Variants in DNAH9 observed in about 807,000 individuals in gnomAD.
The protein encoded by DNAH9 is DNAH9 variant protein.
Under a neutral mutation model 471.6 loss-of-function variants are expected in DNAH9, and 345 were observed. That is an observed-to-expected ratio of 0.73 (90% CI 0.67 to 0.80). The LOEUF is 0.80. DNAH9 is among the 30% of genes least tolerant of loss of function. The probability of loss-of-function intolerance (pLI) is 0.00; values close to 1 mark genes in which losing one functional copy is unlikely to be tolerated. For synonymous variants in DNAH9, 2,093 were observed against 2,123.6 expected (o/e 0.99, Z 0.40); for missense variants, 5,407 against 5,609.2 (o/e 0.96, Z 1.15).
chr17:11,684,372 A>C (rs1458329339), intron 19 of DNAH9, among the ~76,000 whole-genome samples: 1 of 152,134 alleles, frequency 6.6e-6, no homozygotes, highest in Admixed American at 6.5e-5. Context: ...TCTTAACTCT[A>C]AATTATAACA....
intron 52 of DNAH9, among the ~76,000 whole-genome samples, chr17:11,873,649 G>T (rs1015697236): frequency 6.6e-6 from 1 of 152,084 alleles, no homozygotes; most frequent in African/African-American, 2.4e-5. Context: ...GACACAAAAG[G>T]TCACATATTG....
chr17:11,941,784 TGATA>T (rs143740268), intron 66 of DNAH9, among the ~76,000 whole-genome samples: 1,989 of 152,066 alleles, frequency 0.013, 33 homozygotes, highest in African/African-American at 0.04. Context: ...ATTAGATAGA[TGATA>T]GATAGATAGA....
intron 19 of DNAH9, among the ~76,000 whole-genome samples, chr17:11,682,574 C>A (rs1008870071): frequency 3.9e-5 from 6 of 151,942 alleles, no homozygotes; most frequent in Non-Finnish European, 8.8e-5. Flanking sequence ...CGGGGAAGGA[C>A]AAGTGTGTAA....
intron 61 of DNAH9, among the ~76,000 whole-genome samples, chr17:11,912,454 A>G (rs1049768012): frequency 6.6e-6 from 1 of 152,182 alleles, no homozygotes; most frequent in African/African-American, 2.4e-5. Flanking sequence ...TTTTGTAGAT[A>G]TCCTTTATTG....
chr17:11,783,047 C>A (rs1216931649), intron 39 of DNAH9, among the ~76,000 whole-genome samples: 2 of 152,240 alleles, frequency 1.3e-5, no homozygotes, highest in African/African-American at 2.4e-5. Context: ...ACTGTTCTTA[C>A]TAAACTACTA....
chr17:11,772,600 C>T (rs1968253120), intron 38 of DNAH9, among the ~76,000 whole-genome samples: 1 of 152,110 alleles, frequency 6.6e-6, no homozygotes, highest in Non-Finnish European at 1.5e-5. Context: ...GTAGTGACTA[C>T]AAAAAAATCT....
chr17:11,821,833 T>C (rs1970318607), intron 45 of DNAH9, 87 bp from the exon 46 acceptor site: 1 of 1,462,338 alleles, frequency 6.8e-7, no homozygotes, highest in Non-Finnish European at 9.2e-7. Flanking sequence ...CACTGACCTG[T>C]GTCCTAAGGT....
intron 19 of DNAH9, among the ~76,000 whole-genome samples, chr17:11,682,113 G>T (rs1002183029): frequency 6.6e-6 from 1 of 152,130 alleles, no homozygotes. Flanking sequence ...GATTCTAAAT[G>T]TGCAGCCCAA....
Position 11,955,343 on chromosome 17 carries a change from A to G in DNAH9, c.12844-6524A>G, listed in dbSNP as rs1975584324. Among the ~76,000 whole-genome samples, 3 of 152,216 alleles carry G rather than the reference A, an allele frequency of 2.0e-5. No homozygotes were observed. The South Asian group carries it at 6.2e-4, about 32-fold the overall frequency. On this transcript the variant is annotated intron_variant, in intron 67 of 68. Transcript: ENST00000262442. The stretch of plus-strand genomic sequence containing the variant: ...ACTATTTGACACTTTACAGGAAAAA[A>G]AAAAAAGTTTGTCAATTCTTGCCCT...
intron 17 of DNAH9, among the ~76,000 whole-genome samples, chr17:11,675,352 T>C (rs953427677): frequency 6.6e-6 from 1 of 152,194 alleles, no homozygotes; most frequent in Admixed American, 6.5e-5. Context: ...CTTTGGTGTT[T>C]GCAACGTACA....
chr17:11,598,621 C>T lies in DNAH9; in HGVS notation c.123C>T (p.Gly41=). 2 of 1,342,040 alleles carry T rather than the reference C, an allele frequency of 1.5e-6. No individual in the cohort carries two copies. Among genetic ancestry groups the T allele is most frequent in the African/African-American group, 1.5e-5 (1 of 65,086 alleles). The allele number at this position is 1,342,040 out of a possible 1,614,324, so 83.1% of individuals were successfully genotyped here. Residue 41 remains glycine (G), a synonymous_variant, in exon 1 of 69, where the codon GGC becomes GGT. Coordinates refer to ENST00000262442, the MANE Select transcript of DNAH9 (RefSeq NM_001372.4). ...YVAMSLRPAA[G]AWERCAGSAE... ...CCATGAGCCTGCGGCCGGCTGCGGG[C>T]GCCTGGGAGCGTTGCGCGGGGAGTG...
intron 17 of DNAH9, among the ~76,000 whole-genome samples, chr17:11,671,543 G>T (rs2073972315): frequency 6.6e-6 from 1 of 152,172 alleles, no homozygotes; most frequent in Non-Finnish European, 1.5e-5. Context: ...ATTCCAAATT[G>T]TCTGGGACCT....
intron 68 of DNAH9, among the ~76,000 whole-genome samples, chr17:11,968,351 C>T (rs545379296): frequency 6.6e-6 from 1 of 152,320 alleles, no homozygotes; most frequent in African/African-American, 2.4e-5. Flanking sequence ...CTACATCCTT[C>T]CCTTTAAATA....
intron 62 of DNAH9, among the ~76,000 whole-genome samples, chr17:11,924,716 C>T (rs1400237836): frequency 3.3e-5 from 5 of 150,644 alleles, no homozygotes; most frequent in African/African-American, 7.3e-5. Context: ...CTCCGCCTCC[C>T]GGGTTCAAGC....
At chr17:11,617,690 A>G in intron 5 of DNAH9, 68 bp downstream of exon 5, 1 of 1,127,936 alleles carries the variant, frequency 8.9e-7, no homozygotes, top group Non-Finnish European at 1.3e-6. Context: ...ACAGGAGAGA[A>G]GAGACAAGTG....
intron 32 of DNAH9, among the ~76,000 whole-genome samples, chr17:11,750,580 T>G (rs1169176195): frequency 6.6e-6 from 1 of 152,174 alleles, no homozygotes; most frequent in East Asian, 1.9e-4. Flanking sequence ...ACAGGTCACA[T>G]TCTCTGATAA....
intron 45 of DNAH9, among the ~76,000 whole-genome samples, chr17:11,821,212 C>T (rs560439688): frequency 7.3e-5 from 11 of 149,814 alleles, no homozygotes; most frequent in African/African-American, 2.2e-4. Flanking sequence ...CTTGAACCTG[C>T]GAGGTGGAGG....
In DNAH9 at chr17:11,811,989, CAAAAAAAAAAAA is replaced by C. The variant is rs869105187; in HGVS notation, c.8707+1647_8707+1658del. 5.5e-3 allele frequency among the ~76,000 whole-genome samples: 167 copies of C among 30,336 alleles called. 6 individuals carry two copies. The highest frequency in any genetic ancestry group is 0.011 in the African/African-American group (146 of 12,834). 19.9% of individuals were successfully genotyped at this position (30,336 alleles called of 152,430 possible). A position where few individuals can be genotyped will look rare whatever the true frequency, so the allele number is the denominator to read the frequency against. ...TGGGTGACTGAGTGAGACTCTGTCT[CAAAAAAAAAAAA>C]AAAAAAAAAAAAAAAAAAAAAAAAA... On this transcript the variant is annotated intron_variant, in intron 45 of 68. Coordinates refer to ENST00000262442, the MANE Select transcript of DNAH9 (RefSeq NM_001372.4).
At position 11,719,434 on chromosome 17, in the gene DNAH9, C is replaced by T. The variant is rs767921495; in HGVS notation, c.5653C>T (p.Arg1885Cys). 33 of 1,613,766 alleles carry T rather than the reference C, an allele frequency of 2.0e-5. No homozygotes were observed. Among genetic ancestry groups the T allele is most frequent in the Non-Finnish European group, 2.5e-5 (29 of 1,179,968 alleles). Residue 1885 changes from arginine to cysteine, a missense_variant, in exon 27 of 69, where the codon CGC becomes TGC. Arg to Cys is a radical substitution (Grantham distance 180). Transcript: ENST00000262442. ...GKTETTKDLG[R>C]ALGILVYVFN... ...GACCGAGACCACCAAGGACCTGGGCCGCGCACTGGGCATCCTGGTCTATGT... is the reference window on the plus strand; with the variant it reads ...GACCGAGACCACCAAGGACCTGGGCTGCGCACTGGGCATCCTGGTCTATGT...
Sources: allele counts gnomAD v4.1 joint callset (sites outside exome capture counted in the v4.1 genomes callset), GRCh38; gene constraint gnomAD v4.1.1; transcripts MANE v1.5; gene names NCBI Gene and HGNC (gene_info 2026-07-23, HGNC 2026-07-21).